The following LRP1B variants were observed in gnomAD, a reference collection of about 807,000 sequenced individuals.
LRP1B encodes the protein low-density lipoprotein receptor-related protein 1B.
LRP1B carries 217 observed loss-of-function variants against 556.6 expected under a neutral mutation model. That is an observed-to-expected ratio of 0.39 (90% CI 0.35 to 0.44). The LOEUF (loss-of-function observed/expected upper bound fraction) is 0.44. Ranked by LOEUF, LRP1B falls within the 20% of genes least tolerant of loss-of-function variation. The pLI, the probability that LRP1B is intolerant of heterozygous loss-of-function variation, is 1.00. For synonymous variants in LRP1B, 2,047 were observed against 1,865.8 expected, an observed-to-expected ratio of 1.10 and a Z score of -2.50; for missense variants, 5,053 against 5,620.8, an observed-to-expected ratio of 0.90 and a Z score of 3.23.
At chr2:140,281,216 C>T (rs965440122) in intron 84 of LRP1B, among the ~76,000 whole-genome samples, 24 of 151,908 alleles carry the variant, frequency 1.6e-4, no homozygotes, top group East Asian at 1.2e-3. Flanking sequence ...AAAATATGTG[C>T]GTGTATGTGC....
intron 41 of LRP1B, among the ~76,000 whole-genome samples, chr2:140,605,616 T>C (rs986951528): frequency 2.0e-5 from 3 of 152,014 alleles, no homozygotes; most frequent in South Asian, 4.2e-4. Flanking sequence ...CTCTCTCTTC[T>C]TTCTTTCTCT....
At chr2:141,654,046 A>G (rs190591668) in intron 2 of LRP1B, among the ~76,000 whole-genome samples, 2 of 152,270 alleles carry the variant, frequency 1.3e-5, no homozygotes, top group East Asian at 1.9e-4. Context: ...GTAAGCCAAA[A>G]TTCTCATGGG....
chr2:141,657,921 A>G (rs1029105512), intron 2 of LRP1B, among the ~76,000 whole-genome samples: 2 of 152,146 alleles, frequency 1.3e-5, no homozygotes, highest in African/African-American at 2.4e-5. Context: ...CATCCTTTCT[A>G]TTAATTGAAA....
chr2:141,761,071 C>T (rs559212662), intron 2 of LRP1B, among the ~76,000 whole-genome samples: 5 of 152,122 alleles, frequency 3.3e-5, no homozygotes, highest in African/African-American at 9.6e-5. Flanking sequence ...TGAGCATGTA[C>T]GTTTTATAAT....
intron 41 of LRP1B, among the ~76,000 whole-genome samples, chr2:140,637,085 A>C (rs1346996786): frequency 6.6e-6 from 1 of 152,184 alleles, no homozygotes; most frequent in East Asian, 1.9e-4. Flanking sequence ...ATAAACAACT[A>C]CAAAGTTGCA....
intron 1 of LRP1B, among the ~76,000 whole-genome samples, chr2:142,056,501 G>A (rs151298491): frequency 2.0e-5 from 3 of 152,064 alleles, no homozygotes; most frequent in Admixed American, 2.0e-4. Context: ...GAGTCTATTA[G>A]GAAGGGGTGG....
intron 43 of LRP1B, among the ~76,000 whole-genome samples, chr2:140,590,236 G>A (rs1482530842): frequency 1.6e-5 from 2 of 125,600 alleles, no homozygotes; most frequent in Non-Finnish European, 3.5e-5. Flanking sequence ...ATTTTTAAAT[G>A]TGTATATATA....
intron 1 of LRP1B, among the ~76,000 whole-genome samples, chr2:142,001,099 G>A (rs1702637337): frequency 6.6e-6 from 1 of 152,108 alleles, no homozygotes; most frequent in Non-Finnish European, 1.5e-5. Context: ...CCTGTAATAT[G>A]TGCTTTTCGC....
intron 7 of LRP1B, among the ~76,000 whole-genome samples, chr2:141,094,456 G>A (rs768072443): frequency 6.6e-5 from 10 of 151,876 alleles, no homozygotes; most frequent in East Asian, 3.9e-4. Context: ...ATTCCCATCC[G>A]GCTTCCAAAT....
chr2:140,530,892 A>G (rs1001373318), intron 47 of LRP1B, among the ~76,000 whole-genome samples: 4 of 152,136 alleles, frequency 2.6e-5, no homozygotes, highest in Non-Finnish European at 5.9e-5. Context: ...CACAGAAATC[A>G]AGAGTTTCGA....
chr2:142,028,203 G>A (rs1454463553), intron 1 of LRP1B, among the ~76,000 whole-genome samples: 1 of 151,932 alleles, frequency 6.6e-6, no homozygotes, highest in Admixed American at 6.6e-5. Flanking sequence ...AATTTACATA[G>A]AATAAACGCT....
intron 34 of LRP1B, among the ~76,000 whole-genome samples, chr2:140,770,594 A>G (rs940251658): frequency 6.6e-5 from 10 of 152,004 alleles, no homozygotes; most frequent in Non-Finnish European, 2.9e-5. Context: ...ATTTTTGCCT[A>G]TTCAGGTCGA....
At chr2:140,424,577 C>T (rs147217810) in intron 66 of LRP1B, among the ~76,000 whole-genome samples, 2 of 152,318 alleles carry the variant, frequency 1.3e-5, no homozygotes, top group Admixed American at 6.5e-5. Flanking sequence ...ACAGTGCCAA[C>T]ATATAAACTG....
At chr2:141,797,189 C>CTATATATATA (rs1441815155) in intron 2 of LRP1B, among the ~76,000 whole-genome samples, 11 of 59,020 alleles carry the variant, frequency 1.9e-4, no homozygotes, top group African/African-American at 7.8e-4. Context: ...ATATATATAA[C>CTATATATATA]TATATATATC....
chr2:140,670,259 G>A (rs140283797), intron 41 of LRP1B, among the ~76,000 whole-genome samples: 2,075 of 152,164 alleles, frequency 0.014, 40 homozygotes, highest in Admixed American at 0.046. Flanking sequence ...AAATTTTACT[G>A]AAGTTACATT....
intron 66 of LRP1B, among the ~76,000 whole-genome samples, chr2:140,409,374 T>C (rs142430360): frequency 2.0e-5 from 3 of 152,144 alleles, no homozygotes; most frequent in African/African-American, 7.2e-5. Flanking sequence ...AAAATGCATC[T>C]AACGACAAGA....
At chr2:141,052,478 G>A (rs947078882) in intron 10 of LRP1B, among the ~76,000 whole-genome samples, 2 of 151,852 alleles carry the variant, frequency 1.3e-5, no homozygotes, top group Non-Finnish European at 2.9e-5. Flanking sequence ...AATATAGTCG[G>A]CTGCTTACCT....
intron 3 of LRP1B, among the ~76,000 whole-genome samples, chr2:141,341,890 T>C (rs1201704318): frequency 6.6e-6 from 1 of 152,130 alleles, no homozygotes; most frequent in African/African-American, 2.4e-5. Flanking sequence ...GAGGGGTGTT[T>C]ATGATAGCAG....
At chr2:141,220,162 GAAGAT>G (rs963532275) in intron 6 of LRP1B, among the ~76,000 whole-genome samples, 1 of 152,134 alleles carries the variant, frequency 6.6e-6, no homozygotes, top group Admixed American at 6.5e-5. Context: ...ACCAACGCAA[GAAGAT>G]AAGAACCATG....
Sources: allele counts gnomAD v4.1 joint callset (sites outside exome capture counted in the v4.1 genomes callset), GRCh38; gene constraint gnomAD v4.1.1; transcripts MANE v1.5; gene names NCBI Gene and HGNC (gene_info 2026-07-23, HGNC 2026-07-21).